HSD17B13: variants seen among roughly 807,000 people sequenced by gnomAD.
HSD17B13 encodes the protein 17-beta-hydroxysteroid dehydrogenase 13.
HSD17B13 carries 26 observed loss-of-function variants against 31.1 expected under a neutral mutation model. The observed-to-expected ratio is 0.84, with a 90% CI of 0.61 to 1.16. The LOEUF is 1.16. HSD17B13 is among the 50% of genes most tolerant of loss of function. The pLI, the probability that HSD17B13 is intolerant of heterozygous loss-of-function variation, is 0.00. For synonymous variants in HSD17B13, 141 were observed against 133.7 expected (o/e 1.05, Z -0.38); for missense variants, 374 against 366.5 (o/e 1.02, Z -0.17).
chr4:87,308,342 G>A (rs1734437366), intron 6 of HSD17B13, among the ~76,000 whole-genome samples: 1 of 151,624 alleles, frequency 6.6e-6, no homozygotes, highest in South Asian at 2.1e-4. Flanking sequence ...AGCAAAGTGA[G>A]ACTGTCTCTA....
chr4:87,319,091 A>G (rs556787544), intron 1 of HSD17B13, among the ~76,000 whole-genome samples: 20 of 152,298 alleles, frequency 1.3e-4, no homozygotes, highest in African/African-American at 4.8e-4. Context: ...TTTAGACAGG[A>G]GAATCACTTG....
At chr4:87,315,706 A>G (rs980259440) in intron 3 of HSD17B13, 107 bp from the exon 4 acceptor site, 6 of 571,818 alleles carry the variant, frequency 1.0e-5, no homozygotes, top group African/African-American at 1.9e-5. Flanking sequence ...GAGAACTTAT[A>G]CAATGAAATA....
chr4:87,318,265 T>A, intron 2 of HSD17B13, 64 bp downstream of exon 2: 1 of 1,250,374 alleles, frequency 8.0e-7, no homozygotes, highest in Non-Finnish European at 1.2e-6. Context: ...ACCTTTCTCA[T>A]TTTCCACGTC....
At chr4:87,319,610 T>A (rs1734734890) in intron 1 of HSD17B13, among the ~76,000 whole-genome samples, 1 of 152,214 alleles carries the variant, frequency 6.6e-6, no homozygotes, top group Non-Finnish European at 1.5e-5. Flanking sequence ...TGATTCTGAC[T>A]CATCCTCCTA....
chr4:87,318,622 A>AC (rs1253820961), intron 1 of HSD17B13, among the ~76,000 whole-genome samples, 186 bp from the exon 2 acceptor site: 3 of 151,064 alleles, frequency 2.0e-5, no homozygotes, highest in African/African-American at 4.9e-5. Flanking sequence ...ACATGGTGAA[A>AC]CCCCGTCTCT....
intron 6 of HSD17B13, among the ~76,000 whole-genome samples, chr4:87,308,687 AT>A (rs1403933019): frequency 2.0e-5 from 3 of 149,706 alleles, no homozygotes; most frequent in Non-Finnish European, 3.0e-5. Flanking sequence ...TCTCAAAAAA[AT>A]ATAATAAAAA....
rs67775053 is a variant in HSD17B13, at chr4:87,306,905, T to TAA, written c.813-1599_813-1598dup. Among the ~76,000 whole-genome samples, 144 of 44,316 alleles carry TAA rather than the reference T, an allele frequency of 3.2e-3. 14 individuals are homozygous for TAA. Among genetic ancestry groups the TAA allele is most frequent in the Middle Eastern group, 0.034 (2 of 58 alleles). 29.1% of individuals were successfully genotyped at this position (44,316 alleles called of 152,430 possible). On this transcript the variant is annotated intron_variant, in intron 6 of 6. Coordinates refer to ENST00000328546, the MANE Select transcript of HSD17B13 (RefSeq NM_178135.5). ...CTGGGCAACAGAGTGAGACCCAATC[T>TAA]AAAAAAAAAAAAAAAAAAAAAAAAA...
At chr4:87,316,973 T>C in intron 3 of HSD17B13, 119 bp downstream of exon 3, 1 of 1,018,474 alleles carries the variant, frequency 9.8e-7, no homozygotes, top group Non-Finnish European at 1.5e-6. Context: ...ATTTAATGAT[T>C]CTTGATTAAG....
At chr4:87,313,578 C>CAA (rs1304544622) in intron 5 of HSD17B13, among the ~76,000 whole-genome samples, 1 of 152,082 alleles carries the variant, frequency 6.6e-6, no homozygotes, top group African/African-American at 2.4e-5. Flanking sequence ...TAACGGTGAT[C>CAA]AAATGTATGT....
rs1734665819 is a variant in HSD17B13 at position 87,317,079 on chromosome 4, G to A, written c.450+13C>T. The A allele has an allele frequency of 1.2e-6, 2 of 1,613,156 alleles. No homozygotes were observed. Among genetic ancestry groups the A allele is most frequent in the Non-Finnish European group, 1.7e-6 (2 of 1,179,360 alleles). ...AGGTGCACAAATCAGAAATGTTTCT[G>A]ACTCACACTCACCCAAAAATGTCCT... On this transcript the variant is annotated intron_variant, in intron 3 of 6. Coordinates refer to ENST00000328546, the MANE Select transcript of HSD17B13 (RefSeq NM_178135.5).
At chr4:87,312,138 A>G (rs1417579196) in intron 5 of HSD17B13, among the ~76,000 whole-genome samples, 1 of 152,132 alleles carries the variant, frequency 6.6e-6, no homozygotes, top group Non-Finnish European at 1.5e-5. Flanking sequence ...AGGAAAGCTC[A>G]TGGTACACGA....
intron 6 of HSD17B13, among the ~76,000 whole-genome samples, chr4:87,305,686 C>T (rs1037146686): frequency 6.6e-6 from 1 of 151,590 alleles, no homozygotes; most frequent in Non-Finnish European, 1.5e-5. Flanking sequence ...GCACTCCAGC[C>T]TGGGCGACAA....
At position 87,310,264 on chromosome 4, in the gene HSD17B13, T is replaced by C. The variant is rs1303947581; in HGVS notation, c.791A>G (p.Asn264Ser). 2.5e-6 allele frequency: 4 copies of C among 1,574,524 alleles called. No homozygotes were observed. In the East Asian group the frequency reaches 7.1e-5, roughly 28 times the overall value. The change falls in exon 6 of 7, where the codon AAT becomes AGT. Residue 264 changes from asparagine (N) to serine (S), a missense_variant. By Grantham distance (46) the Asn-to-Ser change is conservative. Coordinates refer to ENST00000328546, the MANE Select transcript of HSD17B13 (RefSeq NM_178135.5). ...KKMIFVPSYI[N>S]IFLRLQKFLP... ...TTACTTCTGTAGTCTCAGAAAGATA[T>C]TGATATACGATGGAACAAAAATCAT...
intron 6 of HSD17B13, among the ~76,000 whole-genome samples, chr4:87,308,485 TAAAAAAAAAAAAAAAAAAAA>T (rs893354684): frequency 3.3e-3 from 111 of 33,196 alleles, no homozygotes; most frequent in South Asian, 0.015. Flanking sequence ...CCGTCTCTAC[TAAAAAAAAAAAAAAAAAAAA>T]AAAAAAAAAA....
chr4:87,309,869 G>T (rs1260526503), intron 6 of HSD17B13, among the ~76,000 whole-genome samples: 1 of 152,042 alleles, frequency 6.6e-6, no homozygotes, highest in Non-Finnish European at 1.5e-5. Context: ...CATAATAATA[G>T]CTCTATTGGG....
intron 1 of HSD17B13, among the ~76,000 whole-genome samples, chr4:87,322,133 T>C (rs534969450): frequency 2.0e-5 from 3 of 152,350 alleles, no homozygotes; most frequent in Admixed American, 2.0e-4. Flanking sequence ...GCTGAAAATA[T>C]TACTTATTTA....
At chr4:87,309,011 C>T (rs1226132336) in intron 6 of HSD17B13, among the ~76,000 whole-genome samples, 1 of 146,844 alleles carries the variant, frequency 6.8e-6, no homozygotes, top group East Asian at 1.9e-4. Flanking sequence ...GATCAAATTA[C>T]AAAAATCCAA....
intron 3 of HSD17B13, among the ~76,000 whole-genome samples, chr4:87,316,353 C>T (rs1052102044): frequency 7.2e-5 from 11 of 152,076 alleles, no homozygotes; most frequent in African/African-American, 2.7e-4. Flanking sequence ...ATGAGGTCTC[C>T]GTGTAGTTTG....
At chr4:87,311,266 C>A (rs2110099416) in intron 5 of HSD17B13, among the ~76,000 whole-genome samples, 1 of 152,246 alleles carries the variant, frequency 6.6e-6, no homozygotes, top group East Asian at 1.9e-4. Context: ...ACTCTAAATA[C>A]CCTTGGTGGA....
Sources: allele counts gnomAD v4.1 joint callset (sites outside exome capture counted in the v4.1 genomes callset), GRCh38; gene constraint gnomAD v4.1.1; transcripts MANE v1.5; gene names NCBI Gene and HGNC (gene_info 2026-07-23, HGNC 2026-07-21).